The following ESRRG variants were observed in gnomAD, a reference collection of about 807,000 sequenced individuals.
ESRRG encodes the protein estrogen related receptor gamma, also known as estrogen-related receptor gamma.
A neutral mutation model predicts 44.0 loss-of-function variants in ESRRG; 13 were observed. The ratio of observed to expected loss-of-function variants is 0.30; its 90% confidence interval spans 0.19 to 0.47. The LOEUF (loss-of-function observed/expected upper bound fraction) is 0.47, where lower values mean the gene tolerates loss of function less well. Ranked by LOEUF, ESRRG falls within the 20% of genes least tolerant of loss-of-function variation. The pLI, the probability that ESRRG is intolerant of heterozygous loss-of-function variation, is 1.00. For synonymous variants in ESRRG, 215 were observed against 214.6 expected, an observed-to-expected ratio of 1.00 and a Z score of -0.02; for missense variants, 395 against 580.6, an observed-to-expected ratio of 0.68 and a Z score of 3.29.
At chr1:216,721,246 G>A (rs1006328742) in intron 1 of ESRRG, among the ~76,000 whole-genome samples, 12 of 152,186 alleles carry the variant, frequency 7.9e-5, no homozygotes, top group African/African-American at 2.9e-4. Flanking sequence ...CTCCAAAGCA[G>A]AAACTGTCCA....
intron 1 of ESRRG, among the ~76,000 whole-genome samples, chr1:217,009,894 C>T (rs148366057): frequency 0.023 from 3,481 of 151,686 alleles, 89 homozygotes; most frequent in East Asian, 0.073. Flanking sequence ...TTAGTAGAGA[C>T]GGGGTTTCAC....
intron 3 of ESRRG, among the ~76,000 whole-genome samples, chr1:216,644,893 T>C (rs1252436188): frequency 9.2e-5 from 14 of 152,178 alleles, no homozygotes; most frequent in Admixed American, 9.2e-4. Context: ...AGCCTGCTCT[T>C]CTCCTTTCCT....
intron 1 of ESRRG, among the ~76,000 whole-genome samples, chr1:217,001,696 A>G (rs1264082467): frequency 6.6e-6 from 1 of 152,268 alleles, no homozygotes. Flanking sequence ...TGGGGCAGAG[A>G]CAATGAGAGG....
chr1:216,954,230 A>T (rs2067512149), intron 1 of ESRRG, among the ~76,000 whole-genome samples: 1 of 152,066 alleles, frequency 6.6e-6, no homozygotes, highest in Admixed American at 6.6e-5. Flanking sequence ...CTCCATGGAT[A>T]AAAAAATGCT....
chr1:216,681,415 G>A (rs546623253), intron 1 of ESRRG, among the ~76,000 whole-genome samples: 79 of 152,076 alleles, frequency 5.2e-4, no homozygotes, highest in African/African-American at 1.8e-3. Flanking sequence ...TTTACATTAG[G>A]TATATCTCCT....
rs66514039 is a variant in ESRRG, at chr1:217,075,589, T to TCCCC, written c.-106+13914_-106+13917dup. Among the ~76,000 whole-genome samples the TCCCC allele has an allele frequency of 8.6e-3, 1,255 of 145,200 alleles. 8 individuals carry two copies. The highest frequency in any genetic ancestry group is 0.013 in the Non-Finnish European group (864 of 66,424). ...CCACACTCGCTTCAAATTGCTCCTT[T>TCCCC]CCCCCCCCCAACATTAATTACTAGA... On this transcript the variant is annotated intron_variant, in intron 1 of 7. Coordinates refer to the ESRRG transcript ENST00000359162.
chr1:217,029,796 T>C (rs890818691), intron 1 of ESRRG, among the ~76,000 whole-genome samples: 1 of 151,914 alleles, frequency 6.6e-6, no homozygotes, highest in Non-Finnish European at 1.5e-5. Context: ...CTCCCTTAAG[T>C]GAAAAGAAAA....
At chr1:216,515,784 C>T (rs1055899049) in intron 6 of ESRRG, among the ~76,000 whole-genome samples, 2 of 151,962 alleles carry the variant, frequency 1.3e-5, no homozygotes, top group African/African-American at 4.8e-5. Flanking sequence ...TCTTATGACT[C>T]GAGCAACAGA....
chr1:217,053,093 A>C (rs1373140406), intron 1 of ESRRG, among the ~76,000 whole-genome samples: 1 of 147,840 alleles, frequency 6.8e-6, no homozygotes, highest in Non-Finnish European at 1.5e-5. Flanking sequence ...TGAGCCTAGA[A>C]GTTTGATACC....
chr1:216,967,169 G>GCC (rs144063779), intron 1 of ESRRG, among the ~76,000 whole-genome samples: 1 of 151,620 alleles, frequency 6.6e-6, no homozygotes, highest in Non-Finnish European at 1.5e-5. Context: ...ACACAGCATC[G>GCC]CCCCCCCTCC....
chr1:216,992,956 A>T (rs1401892262), intron 1 of ESRRG, among the ~76,000 whole-genome samples: 1 of 152,126 alleles, frequency 6.6e-6, no homozygotes. Context: ...TATCACCTCC[A>T]TTTGATCCCT....
chr1:216,556,364 T>G (rs2149446850), intron 5 of ESRRG, among the ~76,000 whole-genome samples: 1 of 152,276 alleles, frequency 6.6e-6, no homozygotes, highest in African/African-American at 2.4e-5. Flanking sequence ...ATCCTGTCAC[T>G]TTATCGTTCA....
chr1:216,858,567 C>T (rs1007418303), intron 2 of ESRRG, among the ~76,000 whole-genome samples: 8 of 152,150 alleles, frequency 5.3e-5, no homozygotes, highest in African/African-American at 1.9e-4. Context: ...GCAGACCTAA[C>T]ATATTTACTC....
chr1:216,979,970 C>T (rs1257632237), intron 1 of ESRRG, among the ~76,000 whole-genome samples: 3 of 152,122 alleles, frequency 2.0e-5, no homozygotes, highest in Admixed American at 2.0e-4. Context: ...ATGGACACCT[C>T]CCAAGGAAGT....
chr1:216,601,605 T>C (rs886657331), intron 3 of ESRRG, among the ~76,000 whole-genome samples: 1 of 152,156 alleles, frequency 6.6e-6, no homozygotes, highest in African/African-American at 2.4e-5. Context: ...ACCTATTTCG[T>C]ACAAGTTGCG....
At chr1:216,593,453 C>A (rs1212907295) in intron 3 of ESRRG, among the ~76,000 whole-genome samples, 1 of 152,170 alleles carries the variant, frequency 6.6e-6, no homozygotes, top group Admixed American at 6.5e-5. Flanking sequence ...ATATCCCAAC[C>A]CCATCTGTTT....
At chr1:217,041,570 G>C (rs1391422340) in intron 1 of ESRRG, among the ~76,000 whole-genome samples, 1 of 152,108 alleles carries the variant, frequency 6.6e-6, no homozygotes, top group Non-Finnish European at 1.5e-5. Flanking sequence ...TAGATTTAAG[G>C]AGTACATTTT....
chr1:216,867,274 C>CTTA (rs1247414067), intron 2 of ESRRG, among the ~76,000 whole-genome samples: 2 of 152,200 alleles, frequency 1.3e-5, no homozygotes, highest in Non-Finnish European at 2.9e-5. Flanking sequence ...ATTCAAATCA[C>CTTA]TTATCAAAAG....
intron 3 of ESRRG, among the ~76,000 whole-genome samples, chr1:216,627,991 G>T (rs972489370): frequency 6.6e-6 from 1 of 152,120 alleles, no homozygotes; most frequent in African/African-American, 2.4e-5. Flanking sequence ...CCTCTATCTA[G>T]ACAGTTATTT....
Sources: gnomAD v4.1 joint callset for allele counts (sites outside exome capture counted in the v4.1 genomes callset) on GRCh38, gnomAD v4.1.1 for gene constraint, MANE v1.5 for transcripts, NCBI Gene and HGNC (gene_info 2026-07-23, HGNC 2026-07-21) for gene names.